EIF1: variants seen among roughly 807,000 people sequenced by gnomAD.
The protein encoded by EIF1 is protein translation factor SUI1 homolog.
Under a neutral mutation model 13.7 loss-of-function variants are expected in EIF1, and 4 were observed. The observed-to-expected ratio is 0.29, with a 90% CI of 0.14 to 0.67. The LOEUF (loss-of-function observed/expected upper bound fraction) is 0.67. EIF1 is among the 30% of genes least tolerant of loss of function. EIF1 has a pLI of 0.77. For missense variants in EIF1, 64 were observed against 138.0 expected, an observed-to-expected ratio of 0.46 and a Z score of 2.69; for synonymous variants, 67 against 50.7, an observed-to-expected ratio of 1.32 and a Z score of -1.37.
intron 1 of EIF1, chr17:41,689,372 C>T (rs1009859550): frequency 1.8e-6 from 1 of 545,110 alleles, no homozygotes; most frequent in Non-Finnish European, 3.2e-6. Context: ...GCGTCACGTC[C>T]GTTACGTCAC....
At chr17:41,689,620 C>A (rs567353048) in intron 1 of EIF1, 158 bp from the exon 2 acceptor site, 21 of 694,682 alleles carry the variant, frequency 3.0e-5, no homozygotes, top group Non-Finnish European at 4.8e-5. Flanking sequence ...CCCGGACTGA[C>A]CTGCTCGGGG....
rs1267988604 is a variant in EIF1 at position 41,690,934 on chromosome 17, C to T, written c.*108C>T. 2.4e-6 allele frequency: 3 copies of T among 1,274,728 alleles called. No homozygotes were observed. Among genetic ancestry groups the T allele is most frequent in the South Asian group, 2.4e-5 (2 of 82,744 alleles). The allele number at this position is 1,274,728 out of a possible 1,614,324, so 79.0% of individuals were successfully genotyped here. ...AAACCTCACAGCTTGTATAATGTAA[C>T]CATTTGGGGTCCGCTTTTAACTTGG... On this transcript the variant is annotated 3_prime_UTR_variant, in exon 4 of 4. Transcript: ENST00000469257.
chr17:41,689,703 A>T (rs1910316397), intron 1 of EIF1, 75 bp from the exon 2 acceptor site: 2 of 1,459,168 alleles, frequency 1.4e-6, no homozygotes, highest in Non-Finnish European at 9.2e-7. Context: ...CACGCGCAAA[A>T]CACCTGGGGA....
chr17:41,688,959 C>T lies in EIF1; in HGVS notation c.-80C>T, dbSNP rs28362599. 393 of 1,467,828 alleles carry T rather than the reference C, an allele frequency of 2.7e-4. 3 individuals carry two copies. The East Asian group carries it at 8.8e-3, about 33-fold the overall frequency. The allele number at this position is 1,467,828 out of a possible 1,614,324, so 90.9% of individuals were successfully genotyped here. ...CCCCCTCGCTTCCCGACGTTCCGTT[C>T]CCCCCTGCCCGCCTTCTCCCGCCAC... On this transcript the variant is annotated 5_prime_UTR_variant, in exon 1 of 4. Coordinates refer to ENST00000469257, the MANE Select transcript of EIF1 (RefSeq NM_005801.4).
chr17:41,691,203 C>T lies in EIF1; in HGVS notation c.*377C>T, dbSNP rs898525945. 4.7e-5 allele frequency: 19 copies of T among 403,672 alleles called. No individual in the cohort carries two copies. The highest frequency in any genetic ancestry group is 2.4e-4 in the African/African-American group (12 of 49,532). The allele number at this position is 403,672 out of a possible 1,614,324, so 25.0% of individuals were successfully genotyped here. ...AGAATGTTACCACCTGAACAGTCCT[C>T]GGTGAATCTGAGAGGAGAGGATGGG... On this transcript the variant is annotated 3_prime_UTR_variant, in exon 4 of 4. Transcript: ENST00000469257.
Position 41,688,930 on chromosome 17 carries a change from T to G in EIF1, c.-109T>G, listed in dbSNP as rs1160080190. The G allele has an allele frequency of 4.3e-6, 5 of 1,153,112 alleles. No individual in the cohort carries two copies. The highest frequency in any genetic ancestry group is 2.4e-5 in the East Asian group (1 of 40,958). 71.4% of individuals were successfully genotyped at this position (1,153,112 alleles called of 1,614,324 possible). ...GCCGAGGATTCAGCAGCCTCCCCCT[T>G]GAGCCCCCTCGCTTCCCGACGTTCC... On this transcript the variant is annotated 5_prime_UTR_variant, in exon 1 of 4. Coordinates refer to ENST00000469257, the MANE Select transcript of EIF1 (RefSeq NM_005801.4).
intron 3 of EIF1, 78 bp downstream of exon 3, chr17:41,690,267 A>G (rs1191457081): frequency 2.3e-6 from 3 of 1,325,786 alleles, no homozygotes; most frequent in Non-Finnish European, 3.2e-6. Flanking sequence ...TGCTGGGGAC[A>G]TAAAAGTTGG....
chr17:41,690,599 C>T lies in EIF1; in HGVS notation c.298-183C>T, dbSNP rs1054223794. ...GTCTCATTCTCACACTAATTCAGAA[C>T]CTTGGAAGGCACTGAGTGTTCAAAA... On this transcript the variant is annotated intron_variant, in intron 3 of 3. Coordinates refer to ENST00000469257, the MANE Select transcript of EIF1 (RefSeq NM_005801.4). 1.3e-5 allele frequency: 8 copies of T among 611,958 alleles called. No individual in the cohort carries two copies. The Admixed American group carries it at 1.8e-4, about 14-fold the overall frequency. 37.9% of individuals were successfully genotyped at this position (611,958 alleles called of 1,614,324 possible).
At position 41,688,965 on chromosome 17, in the gene EIF1, T is replaced by TGCCCGCCTTC. The variant is rs1325786636; in HGVS notation, c.-73_-64dup. ...CGCTTCCCGACGTTCCGTTCCCCCC[T>TGCCCGCCTTC]GCCCGCCTTCTCCCGCCACCGCCGC... On this transcript the variant is annotated 5_prime_UTR_variant, in exon 1 of 4. Transcript: ENST00000469257. The TGCCCGCCTTC allele has an allele frequency of 8.5e-6, 13 of 1,525,052 alleles. No homozygotes were observed. Among genetic ancestry groups the TGCCCGCCTTC allele is most frequent in the Non-Finnish European group, 1.2e-5 (13 of 1,105,288 alleles). The allele number at this position is 1,525,052 out of a possible 1,614,324, so 94.5% of individuals were successfully genotyped here.
At position 41,688,922 on chromosome 17, in the gene EIF1, CT is replaced by C; in HGVS notation, c.-116del. On this transcript the variant is annotated 5_prime_UTR_variant, in exon 1 of 4. Coordinates refer to ENST00000469257, the MANE Select transcript of EIF1 (RefSeq NM_005801.4). ...GAGCCGCCGCCGAGGATTCAGCAGC[CT>C]CCCCCTTGAGCCCCCTCGCTTCCCG... 1 of 1,042,564 alleles carries C rather than the reference CT, an allele frequency of 9.6e-7. No individual in the cohort carries two copies. Among genetic ancestry groups the C allele is most frequent in the Non-Finnish European group, 1.4e-6 (1 of 696,550 alleles). The allele number at this position is 1,042,564 out of a possible 1,614,324, so 64.6% of individuals were successfully genotyped here.
intron 1 of EIF1, 180 bp from the exon 2 acceptor site, chr17:41,689,598 G>A: frequency 1.8e-6 from 1 of 558,338 alleles, no homozygotes; most frequent in South Asian, 2.8e-5. Context: ...CGAGCCTGGG[G>A]AAGCTGGCCG....
intron 1 of EIF1, 27 bp downstream of exon 1, chr17:41,689,096 C>T (rs1389242837): frequency 1.2e-6 from 2 of 1,613,096 alleles, no homozygotes; most frequent in East Asian, 2.2e-5. Flanking sequence ...GTCGCGGGCC[C>T]GGGTGGGGCA....
chr17:41,689,805 A>G lies in EIF1; in HGVS notation c.59A>G (p.Asp20Gly). ...CCCTTTGCTGATGCAAGTAAGGGTG[A>G]TGACCTGCTTCCTGCTGGCACTGAG... ...FDPFADASKG[D>G]DLLPAGTEDY... is the part of the protein sequence containing the mutation. Residue 20 changes from aspartate to glycine, a missense_variant, in exon 2 of 4, where the codon GAT becomes GGT. Coordinates refer to ENST00000469257, the MANE Select transcript of EIF1 (RefSeq NM_005801.4). 6.2e-7 allele frequency: 1 copy of G among 1,612,050 alleles called. No individual in the cohort carries two copies.
chr17:41,690,691 A>G, intron 3 of EIF1, 91 bp from the exon 4 acceptor site: 1 of 1,423,790 alleles, frequency 7.0e-7, no homozygotes, highest in Non-Finnish European at 9.9e-7. Context: ...TGGGCAGTGT[A>G]GTAGCAGGAA....
intron 3 of EIF1, 200 bp from the exon 4 acceptor site, chr17:41,690,582 C>G (rs751905890): frequency 1.7e-5 from 10 of 593,570 alleles, no homozygotes; most frequent in African/African-American, 3.7e-5. Context: ...GAGTCTCATT[C>G]TCACACTAAT....
At chr17:41,689,752 T>C (rs1322507080) in intron 1 of EIF1, 26 bp from the exon 2 acceptor site, 1 of 1,567,744 alleles carries the variant, frequency 6.4e-7, no homozygotes, top group Admixed American at 1.9e-5. Flanking sequence ...TTGACAGCTC[T>C]GAACGAGCTT....
intron 3 of EIF1, chr17:41,690,456 T>C (rs949239332): frequency 5.4e-6 from 3 of 552,512 alleles, no homozygotes; most frequent in East Asian, 3.0e-5. Context: ...AATGCTGGGT[T>C]GTTCCTGTAT....
In EIF1 at chr17:41,691,491, A is replaced by G. The variant is rs1213761546; in HGVS notation, c.*665A>G. 6.5e-6 allele frequency: 1 copy of G among 153,198 alleles called. No homozygotes were observed. Among genetic ancestry groups the G allele is most frequent in the Non-Finnish European group, 1.5e-5 (1 of 68,436 alleles). The allele number at this position is 153,198 out of a possible 1,614,324, so 9.5% of individuals were successfully genotyped here. On this transcript the variant is annotated 3_prime_UTR_variant, in exon 4 of 4. Coordinates refer to ENST00000469257, the MANE Select transcript of EIF1 (RefSeq NM_005801.4). Reference sequence around the variant, plus strand: ...CAAATCTCAAACTGATCCATCAGTCATGTAGCTAGCTGTAGAGCTTGCAAC... The same window carrying G: ...CAAATCTCAAACTGATCCATCAGTCGTGTAGCTAGCTGTAGAGCTTGCAAC...
chr17:41,690,755 TA>T, intron 3 of EIF1, 26 bp from the exon 4 acceptor site: 1 of 1,613,812 alleles, frequency 6.2e-7, no homozygotes, highest in Non-Finnish European at 8.5e-7. Context: ...GTCCCCCATT[TA>T]AAACTTTGCC....
Sources: allele counts gnomAD v4.1 joint callset, GRCh38; gene constraint gnomAD v4.1.1; transcripts MANE v1.5; gene names NCBI Gene and HGNC (gene_info 2026-07-23, HGNC 2026-07-21).